POFUT3: variants seen among roughly 807,000 people sequenced by gnomAD.
POFUT3 encodes the protein protein O-fucosyltransferase 3.
At chr8:33,312,122 C>T in the POFUT3 span, among the ~76,000 whole-genome samples, 9 of 151,988 alleles carry the variant, frequency 5.9e-5, no homozygotes, top group South Asian at 2.1e-4. Context: ...ATTAGCCAGG[C>T]GTGGTGGCAC....
the POFUT3 span, among the ~76,000 whole-genome samples, chr8:33,437,896 T>C: frequency 2.6e-5 from 4 of 152,214 alleles, no homozygotes; most frequent in Non-Finnish European, 5.9e-5. Flanking sequence ...TATGACTGCC[T>C]ACCAGTTGCA....
At chr8:33,453,890 G>A in the POFUT3 span, among the ~76,000 whole-genome samples, 3 of 152,078 alleles carry the variant, frequency 2.0e-5, no homozygotes, top group Admixed American at 6.6e-5. Context: ...GGGAGGCAGA[G>A]GTTGCAGTGA....
At chr8:33,399,874 G>A in the POFUT3 span, among the ~76,000 whole-genome samples, 2 of 151,670 alleles carry the variant, frequency 1.3e-5, no homozygotes, top group Non-Finnish European at 1.5e-5. Context: ...GGCTGGTCTC[G>A]AACTCCTGAC....
chr8:33,371,176 T>C, the POFUT3 span: 9 of 152,196 alleles, frequency 5.9e-5, no homozygotes, highest in Non-Finnish European at 1.2e-4. Context: ...TTAAGAGATA[T>C]GTCCAAGATC....
the POFUT3 span, among the ~76,000 whole-genome samples, chr8:33,341,965 T>C: frequency 1.1e-3 from 169 of 152,150 alleles, no homozygotes; most frequent in African/African-American, 3.9e-3. Flanking sequence ...GGCCAAGGCC[T>C]GAGGTCAGGA....
At chr8:33,315,354 G>T in the POFUT3 span, among the ~76,000 whole-genome samples, 7 of 152,134 alleles carry the variant, frequency 4.6e-5, no homozygotes, top group African/African-American at 1.7e-4. Flanking sequence ...CCCTAAAAAT[G>T]CCCTATACCC....
the POFUT3 span, among the ~76,000 whole-genome samples, chr8:33,450,270 T>C: frequency 6.6e-6 from 1 of 152,184 alleles, no homozygotes; most frequent in East Asian, 1.9e-4. Flanking sequence ...CTTCCAATAG[T>C]AGGTGCTCTC....
At chr8:33,308,221 A>T in the POFUT3 span, among the ~76,000 whole-genome samples, 2 of 152,204 alleles carry the variant, frequency 1.3e-5, no homozygotes, top group Non-Finnish European at 2.9e-5. Flanking sequence ...TGTATACTAT[A>T]AACCTTAAAG....
At chr8:33,319,847 G>A in the POFUT3 span, among the ~76,000 whole-genome samples, 3 of 142,572 alleles carry the variant, frequency 2.1e-5, no homozygotes, top group Non-Finnish European at 4.5e-5. Flanking sequence ...GCCAGCTCCT[G>A]AGGCATAGTC....
At chr8:33,442,814 CAT>C in the POFUT3 span, among the ~76,000 whole-genome samples, 2 of 152,152 alleles carry the variant, frequency 1.3e-5, no homozygotes, top group African/African-American at 4.8e-5. Flanking sequence ...GAAAAGATGA[CAT>C]ATTAATATTT....
At chr8:33,325,322 C>A in the POFUT3 span, among the ~76,000 whole-genome samples, 1 of 152,138 alleles carries the variant, frequency 6.6e-6, no homozygotes, top group African/African-American at 2.4e-5. Flanking sequence ...GCAGTCCACC[C>A]CCAATCAGAA....
At chr8:33,393,244 A>T in the POFUT3 span, among the ~76,000 whole-genome samples, 1 of 152,212 alleles carries the variant, frequency 6.6e-6, no homozygotes, top group African/African-American at 2.4e-5. Flanking sequence ...ACGTATGTGC[A>T]ATTGGCTCAC....
the POFUT3 span, among the ~76,000 whole-genome samples, chr8:33,354,693 C>A: frequency 6.6e-6 from 1 of 152,136 alleles, no homozygotes; most frequent in Non-Finnish European, 1.5e-5. Context: ...GCCCAGTCAA[C>A]TTGGCATATA....
chr8:33,334,420 G>A, the POFUT3 span, among the ~76,000 whole-genome samples: 6 of 152,238 alleles, frequency 3.9e-5, no homozygotes, highest in South Asian at 4.1e-4. Flanking sequence ...GTTTCACCAC[G>A]TTGCCCAGGC....
chr8:33,387,193 GAGA>G, the POFUT3 span, among the ~76,000 whole-genome samples: 1 of 152,074 alleles, frequency 6.6e-6, no homozygotes, highest in South Asian at 2.1e-4. Context: ...AGCATTCTCT[GAGA>G]AGAATGATGT....
chr8:33,460,950 C>G, the POFUT3 span, among the ~76,000 whole-genome samples: 1 of 152,114 alleles, frequency 6.6e-6, no homozygotes, highest in African/African-American at 2.4e-5. Context: ...ATCTGGAGTT[C>G]GAGACCAGCA....
At chr8:33,415,873 G>T in the POFUT3 span, among the ~76,000 whole-genome samples, 15 of 152,096 alleles carry the variant, frequency 9.9e-5, no homozygotes, top group African/African-American at 3.6e-4. Flanking sequence ...TCAGCCTCCC[G>T]CTAGAAGCCA....
At chr8:33,423,429 C>G in the POFUT3 span, among the ~76,000 whole-genome samples, 1 of 151,870 alleles carries the variant, frequency 6.6e-6, no homozygotes, top group African/African-American at 2.4e-5. Flanking sequence ...CCACTATGCC[C>G]AGCTAATATT....
chr8:33,452,167 C>T, the POFUT3 span: 1 of 151,990 alleles, frequency 6.6e-6, no homozygotes, highest in Non-Finnish European at 1.5e-5. Flanking sequence ...GTGTGTACAA[C>T]TTGTTTTCCC....
Sources: allele counts gnomAD v4.1 joint callset (sites outside exome capture counted in the v4.1 genomes callset), GRCh38; gene constraint gnomAD v4.1.1; transcripts MANE v1.5; gene names NCBI Gene and HGNC (gene_info 2026-07-23, HGNC 2026-07-21).